The following CDH23 variants were observed in gnomAD, a reference collection of about 807,000 sequenced individuals.
CDH23 encodes cadherin related 23.
CDH23 carries 189 observed loss-of-function variants against 317.1 expected under a neutral mutation model. The ratio of observed to expected loss-of-function variants is 0.60; its 90% CI spans 0.53 to 0.67. The LOEUF (loss-of-function observed/expected upper bound fraction) is 0.67. Ranked by LOEUF, CDH23 falls within the 30% of genes least tolerant of loss-of-function variation. The pLI is 0.00. For missense variants in CDH23, 4,401 were observed against 4,592.4 expected (o/e 0.96, Z 1.20); for synonymous variants, 1,839 against 1,876.8 (o/e 0.98, Z 0.52).
In CDH23 at chr10:71,682,433, C is replaced by T. The variant is rs778924765; in HGVS notation, c.1859-12C>T. ...GCTTACAGAGGGATCTGGCCTGTTCCTGTCATTGCAGTGATCAGCGTCAGT... is the reference window on the plus strand; with the variant it reads ...GCTTACAGAGGGATCTGGCCTGTTCTTGTCATTGCAGTGATCAGCGTCAGT... On this transcript the variant is annotated splice_polypyrimidine_tract_variant and intron_variant, in intron 17 of 69. Coordinates refer to ENST00000224721, the MANE Select transcript of CDH23 (RefSeq NM_022124.6). The T allele has an allele frequency of 6.2e-7, 1 of 1,611,052 alleles. No homozygotes were observed. Among genetic ancestry groups the T allele is most frequent in the Admixed American group, 1.7e-5 (1 of 59,666 alleles).
At chr10:71,706,612 G>A (rs533405858) in intron 25 of CDH23, among the ~76,000 whole-genome samples, 2 of 152,200 alleles carry the variant, frequency 1.3e-5, no homozygotes, top group South Asian at 4.1e-4. Context: ...CTGGAGAGAG[G>A]TTCTAAGGTT....
chr10:71,418,693 C>G (rs1481506881), intron 1 of CDH23, among the ~76,000 whole-genome samples: 1 of 152,202 alleles, frequency 6.6e-6, no homozygotes, highest in South Asian at 2.1e-4. Context: ...TGACGGTTCT[C>G]TGGTACCTTC....
chr10:71,778,402 TTGTC>T (rs1188051308), intron 40 of CDH23, 94 bp downstream of exon 40: 6 of 1,505,454 alleles, frequency 4.0e-6, no homozygotes, highest in Non-Finnish European at 5.4e-6. Flanking sequence ...TAGGGGAAGA[TTGTC>T]TGAGGGAAAT....
chr10:71,541,089 A>G (rs1855963417), intron 6 of CDH23, among the ~76,000 whole-genome samples: 1 of 151,856 alleles, frequency 6.6e-6, no homozygotes, highest in Non-Finnish European at 1.5e-5. Context: ...TGAGCACACA[A>G]TTCTCATGCA....
At chr10:71,675,034 A>G in intron 14 of CDH23, 78 bp from the exon 15 acceptor site, 1 of 1,331,644 alleles carries the variant, frequency 7.5e-7, no homozygotes. Flanking sequence ...GAGACGTGCG[A>G]GAGGAACATG....
chr10:71,425,180 G>A (rs1473887625), intron 1 of CDH23, among the ~76,000 whole-genome samples: 1 of 147,320 alleles, frequency 6.8e-6, no homozygotes, highest in Non-Finnish European at 1.5e-5. Context: ...GGTGAGGGTG[G>A]AAGGGGAGGA....
At chr10:71,406,456 C>G (rs1848103134) in intron 1 of CDH23, among the ~76,000 whole-genome samples, 1 of 152,080 alleles carries the variant, frequency 6.6e-6, no homozygotes, top group African/African-American at 2.4e-5. Context: ...TGTGATATAC[C>G]CTGGGCCAAG....
At chr10:71,605,767 A>G (rs1350345681) in intron 9 of CDH23, among the ~76,000 whole-genome samples, 3 of 152,132 alleles carry the variant, frequency 2.0e-5, no homozygotes, top group Admixed American at 6.6e-5. Context: ...TGAATCCCCT[A>G]TTGTTGGACA....
intron 1 of CDH23, among the ~76,000 whole-genome samples, chr10:71,399,615 T>C (rs551220315): frequency 1.2e-3 from 176 of 152,208 alleles, no homozygotes; most frequent in African/African-American, 3.8e-3. Context: ...AAACTGTACA[T>C]GGAACTGGGT....
chr10:71,557,703 GAGCT>G (rs1234161099), intron 6 of CDH23, among the ~76,000 whole-genome samples: 2 of 152,098 alleles, frequency 1.3e-5, no homozygotes, highest in African/African-American at 2.4e-5. Context: ...TTTATAATGT[GAGCT>G]TATTTCTTCC....
At position 71,812,795 on chromosome 10, in the gene CDH23, G is replaced by T. The variant is rs557490269; in HGVS notation, c.9538G>T (p.Val3180Phe). 1 of 1,613,228 alleles carries T rather than the reference G, an allele frequency of 6.2e-7. No homozygotes were observed. Among genetic ancestry groups the T allele is most frequent in the Non-Finnish European group, 8.5e-7 (1 of 1,179,588 alleles). The change falls in exon 68 of 70, where the codon GTC becomes TTC. Residue 3180 changes from valine (V) to phenylalanine (F), a missense_variant. Val to Phe is a conservative substitution (Grantham distance 50, BLOSUM62 -1). This residue lies in a region of CDH23 where 1,144 missense variants were observed against 1,138.2 expected (regional missense o/e 1.01). Transcript: ENST00000224721. ...AACTTTTGGGCGTGAGCCAGCAGCT[G>T]TCAAGCCTGATGATGACCGATACCT... is the stretch of plus-strand genomic sequence containing the variant. Reference protein sequence around the residue: ...HGTFGREPAAVKPDDDRYLRA... With the variant: ...HGTFGREPAAFKPDDDRYLRA...
At chr10:71,518,177 A>T (rs959593684) in intron 6 of CDH23, among the ~76,000 whole-genome samples, 1 of 152,026 alleles carries the variant, frequency 6.6e-6, no homozygotes, top group Non-Finnish European at 1.5e-5. Context: ...TTAGGGGGGA[A>T]TTATTCTTTT....
intron 43 of CDH23, 74 bp from the exon 44 acceptor site, chr10:71,785,557 C>G (rs1289714234): frequency 1.0e-6 from 1 of 966,248 alleles, no homozygotes; most frequent in Non-Finnish European, 1.6e-6. Context: ...CCAAGCAGAG[C>G]AGTTGGCATC....
chr10:71,805,585 A>G (rs148511549), intron 55 of CDH23, among the ~76,000 whole-genome samples: 1 of 152,198 alleles, frequency 6.6e-6, no homozygotes, highest in African/African-American at 2.4e-5. Context: ...CTGTCAGTGC[A>G]ATGGCCTTAG....
chr10:71,639,739 A>T (rs1242942744), intron 11 of CDH23, among the ~76,000 whole-genome samples: 1 of 152,182 alleles, frequency 6.6e-6, no homozygotes, highest in East Asian at 1.9e-4. Flanking sequence ...CGCCTGTGTC[A>T]TAGCCGGGCT....
intron 31 of CDH23, among the ~76,000 whole-genome samples, chr10:71,730,876 C>T (rs1589381358): frequency 6.6e-6 from 1 of 152,238 alleles, no homozygotes; most frequent in East Asian, 1.9e-4. Context: ...ATCCCAGGAC[C>T]CAGCAGCTCC....
intron 3 of CDH23, among the ~76,000 whole-genome samples, chr10:71,492,876 C>A (rs78436298): frequency 6.6e-6 from 1 of 152,150 alleles, no homozygotes; most frequent in African/African-American, 2.4e-5. Flanking sequence ...ATTGATTCAG[C>A]GCTCCTCTTG....
intron 38 of CDH23, chr10:71,752,181 T>C (rs1564775229): frequency 1.1e-5 from 5 of 474,732 alleles, no homozygotes; most frequent in Middle Eastern, 3.0e-4. Flanking sequence ...CCTCAGGAAT[T>C]TGGGGACAAG....
intron 20 of CDH23, among the ~76,000 whole-genome samples, chr10:71,691,177 C>T (rs1187632315): frequency 3.3e-5 from 5 of 152,206 alleles, no homozygotes; most frequent in South Asian, 2.1e-4. Flanking sequence ...CTTTCTTCTT[C>T]GTCTCTCCAT....
Sources: allele counts gnomAD v4.1 joint callset (sites outside exome capture counted in the v4.1 genomes callset), GRCh38; gene constraint gnomAD v4.1.1; regional missense constraint gnomAD v4.1.1; transcripts MANE v1.5; gene names NCBI Gene and HGNC (gene_info 2026-07-23, HGNC 2026-07-21).